The following MEF2D variants were observed in gnomAD, a reference collection of about 807,000 sequenced individuals.
MEF2D encodes myocyte enhancer factor 2D.
Under a neutral mutation model 59.3 loss-of-function variants are expected in MEF2D, and 10 were observed. The ratio of observed to expected loss-of-function variants is 0.17; its 90% CI spans 0.10 to 0.29. The LOEUF is 0.29. Ranked by LOEUF, MEF2D falls within the 10% of genes least tolerant of loss-of-function variation. MEF2D has a pLI of 1.00. For missense variants in MEF2D, 508 were observed against 699.4 expected (o/e 0.73, Z 3.09); for synonymous variants, 305 against 295.0 (o/e 1.03, Z -0.35).
chr1:156,474,604 A>G (rs1671444868), intron 9 of MEF2D, among the ~76,000 whole-genome samples: 1 of 152,154 alleles, frequency 6.6e-6, no homozygotes, highest in Non-Finnish European at 1.5e-5. Flanking sequence ...TGAGACCAGG[A>G]ATTTGAGACT....
In MEF2D at chr1:156,465,803, C is replaced by T. The variant is rs1489955996; in HGVS notation, c.*1842G>A. On this transcript the variant is annotated 3_prime_UTR_variant, in exon 12 of 12. Coordinates refer to ENST00000348159, the MANE Select transcript of MEF2D (RefSeq NM_005920.4). ...GAGGCCCCTCTGCTTCTGGTTCCTTCCCTGCATCAAGTATGGGAATACTGC... is the reference window on the plus strand; with the variant it reads ...GAGGCCCCTCTGCTTCTGGTTCCTTTCCTGCATCAAGTATGGGAATACTGC... 6.6e-6 allele frequency: 1 copy of T among 152,226 alleles called. No homozygotes were observed. Among genetic ancestry groups the T allele is most frequent in the Non-Finnish European group, 1.5e-5 (1 of 68,066 alleles). The allele number at this position is 152,226 out of a possible 1,614,324, so 9.4% of individuals were successfully genotyped here. A position where few individuals can be genotyped will look rare whatever the true frequency, so the allele number is the denominator to read the frequency against.
At position 156,479,641 on chromosome 1, in the gene MEF2D, T is replaced by C. The variant is rs1376703791; in HGVS notation, c.552A>G (p.Pro184=). Residue 184 remains proline (P), a synonymous_variant, in exon 5 of 12, where the codon CCA becomes CCG. Transcript: ENST00000348159. ...GAGACACACTGTTCCTCTGTAGTGC[T>C]GGCTGCTGGGGGGACAGGAGCCGCG... ...TDPRLLSPQQ[P]ALQRNSVSPG... The C allele has an allele frequency of 2.6e-6, 4 of 1,553,018 alleles. No homozygotes were observed. The highest frequency in any genetic ancestry group is 1.4e-5 in the African/African-American group (1 of 73,242).
intron 6 of MEF2D, 56 bp downstream of exon 6, chr1:156,479,234 A>C: frequency 8.1e-6 from 12 of 1,480,898 alleles, no homozygotes; most frequent in Non-Finnish European, 1.0e-5. Flanking sequence ...GGACCCCCTG[A>C]GGCCACTGAG....
chr1:156,481,337 C>T (rs1557886946), intron 3 of MEF2D, among the ~76,000 whole-genome samples: 1 of 152,178 alleles, frequency 6.6e-6, no homozygotes, highest in African/African-American at 2.4e-5. Flanking sequence ...CCTGCCCGAC[C>T]ACCCTGTGGT....
At position 156,468,600 on chromosome 1, in the gene MEF2D, C is replaced by T. The variant is rs535541382; in HGVS notation, c.1247+180G>A. ...GCTCTCAGAAGGGGTTCAGGGTGAGCCTCTTGGGTCTGTACAAGAGAGCCC... is the reference window on the plus strand; with the variant it reads ...GCTCTCAGAAGGGGTTCAGGGTGAGTCTCTTGGGTCTGTACAAGAGAGCCC... On this transcript the variant is annotated intron_variant, in intron 10 of 11. Coordinates refer to ENST00000348159, the MANE Select transcript of MEF2D (RefSeq NM_005920.4). This position sits in a 1 kb window ranked among gnomAD's most constrained non-coding sequence, Gnocchi z 4.3. Among the ~76,000 whole-genome samples, 208 of 152,256 alleles carry T rather than the reference C, an allele frequency of 1.4e-3. 5 individuals are homozygous for T. The highest frequency in any genetic ancestry group is 3.4e-4 in the Non-Finnish European group (23 of 68,008).
chr1:156,485,512 TCTC>T (rs1672294867), intron 1 of MEF2D, among the ~76,000 whole-genome samples: 1 of 128,762 alleles, frequency 7.8e-6, no homozygotes, highest in African/African-American at 3.0e-5. Context: ...TCCCTACCCT[TCTC>T]CTTCTTCTTT....
rs1670892036 is a variant in MEF2D, at chr1:156,467,048, G to A, written c.*597C>T. ...CGCAGGTGTGGCACGTGTGTGTGCA[G>A]GGGCATTTGGGGGCCAGGCTTAAGT... On this transcript the variant is annotated 3_prime_UTR_variant, in exon 12 of 12. Coordinates refer to ENST00000348159, the MANE Select transcript of MEF2D (RefSeq NM_005920.4). 1 of 152,664 alleles carries A rather than the reference G, an allele frequency of 6.6e-6. No homozygotes were observed. The highest frequency in any genetic ancestry group is 2.4e-5 in the African/African-American group (1 of 41,446). 9.5% of individuals were successfully genotyped at this position (152,664 alleles called of 1,614,324 possible).
rs370852726 is a variant in MEF2D, at chr1:156,483,219, C to G, written c.54+20G>C. 2 of 1,613,810 alleles carry G rather than the reference C, an allele frequency of 1.2e-6. No individual in the cohort carries two copies. Among genetic ancestry groups the G allele is most frequent in the Non-Finnish European group, 1.7e-6 (2 of 1,179,734 alleles). Reference sequence around the variant, plus strand: ...GCTCCCTGCCCTCACCCACTTCGTACGGCTCTAGGACTTCCCTACCTGTCG... The same window carrying G: ...GCTCCCTGCCCTCACCCACTTCGTAGGGCTCTAGGACTTCCCTACCTGTCG... On this transcript the variant is annotated intron_variant, in intron 2 of 11. Coordinates refer to ENST00000348159, the MANE Select transcript of MEF2D (RefSeq NM_005920.4).
chr1:156,475,312 A>G, intron 8 of MEF2D, 75 bp from the exon 9 acceptor site: 2 of 1,482,256 alleles, frequency 1.3e-6, no homozygotes, highest in African/African-American at 1.4e-5. Context: ...TCCCAAGGCC[A>G]AGGTGGGGTT....
Position 156,477,063 on chromosome 1 carries a change from G to T in MEF2D, c.804C>A (p.Pro268=), listed in dbSNP as rs768730968. ...STQLGAPSRK[P]DLRVITSQAG... ...CCTGGGAAGTGATGACTCGCAGGTC[G>T]GGCTTGCGGCTGGGGGCTCCAAGCT... Residue 268 remains proline, a synonymous_variant, in exon 7 of 12, where the codon CCC becomes CCA. Coordinates refer to ENST00000348159, the MANE Select transcript of MEF2D (RefSeq NM_005920.4). 1 of 1,613,756 alleles carries T rather than the reference G, an allele frequency of 6.2e-7. No homozygotes were observed. The highest frequency in any genetic ancestry group is 8.5e-7 in the Non-Finnish European group (1 of 1,179,874).
chr1:156,467,916 A>G, intron 11 of MEF2D, 77 bp downstream of exon 11: 1 of 1,510,688 alleles, frequency 6.6e-7, no homozygotes, highest in Non-Finnish European at 8.9e-7. Flanking sequence ...GTGGGAAATA[A>G]AACAGGTTAG....
chr1:156,482,933 G>A (rs779314685), intron 2 of MEF2D, among the ~76,000 whole-genome samples: 1 of 152,220 alleles, frequency 6.6e-6, no homozygotes, highest in Non-Finnish European at 1.5e-5. Context: ...GAGAAGAAGA[G>A]GGAGAGGATT....
At chr1:156,497,323 C>T (rs994810115) in intron 1 of MEF2D, among the ~76,000 whole-genome samples, 1 of 152,250 alleles carries the variant, frequency 6.6e-6, no homozygotes, top group Non-Finnish European at 1.5e-5. Context: ...GAGGTTGTGC[C>T]GGCCTGCCAC....
At position 156,483,349 on chromosome 1, in the gene MEF2D, C is replaced by T. The variant is rs910178119; in HGVS notation, c.-57G>A. 1.5e-5 allele frequency: 22 copies of T among 1,500,522 alleles called. No homozygotes were observed. Among genetic ancestry groups the T allele is most frequent in the South Asian group, 2.3e-5 (2 of 88,794 alleles). 93.0% of individuals were successfully genotyped at this position (1,500,522 alleles called of 1,614,324 possible). A position where few individuals can be genotyped will look rare whatever the true frequency, so the allele number is the denominator to read the frequency against. ...GAGGGGCTCGCTGGGTGGTGGGTCT[C>T]GGCACACCTTACACTGTGCTCATGA... On this transcript the variant is annotated 5_prime_UTR_variant, in exon 2 of 12. Coordinates refer to ENST00000348159, the MANE Select transcript of MEF2D (RefSeq NM_005920.4).
At position 156,498,593 on chromosome 1, in the gene MEF2D, C is replaced by T. The variant is rs1571282106; in HGVS notation, c.-139+1893G>A. Among the ~76,000 whole-genome samples the T allele has an allele frequency of 2.0e-5, 3 of 152,156 alleles. No homozygotes were observed. In the South Asian group the frequency reaches 6.2e-4, roughly 32 times the overall value. On this transcript the variant is annotated intron_variant, in intron 1 of 11. Coordinates refer to ENST00000348159, the MANE Select transcript of MEF2D (RefSeq NM_005920.4). ...GGTGAGTAAAAGCTCCTCCCTTCCT[C>T]CCTTCCCCCCTCCCCCCCTTCCCCC...
At chr1:156,470,265 C>T (rs559883510) in intron 9 of MEF2D, among the ~76,000 whole-genome samples, 4 of 151,976 alleles carry the variant, frequency 2.6e-5, no homozygotes, top group South Asian at 2.1e-4. Flanking sequence ...ATTAAAAATA[C>T]AAAAAATTAG....
chr1:156,498,580 CTCCTCCCT>C (rs1673283377), intron 1 of MEF2D, among the ~76,000 whole-genome samples: 1 of 151,990 alleles, frequency 6.6e-6, no homozygotes, highest in Non-Finnish European at 1.5e-5. Flanking sequence ...TGAGTAAAAG[CTCCTCCCT>C]TCCTCCCTTC....
Position 156,463,932 on chromosome 1 carries a change from G to T in MEF2D, c.*3713C>A, listed in dbSNP as rs1670674675. 1 of 152,666 alleles carries T rather than the reference G, an allele frequency of 6.6e-6. No homozygotes were observed. Among genetic ancestry groups the T allele is most frequent in the South Asian group, 2.1e-4 (1 of 4,834 alleles). The allele number at this position is 152,666 out of a possible 1,614,324, so 9.5% of individuals were successfully genotyped here. A position where few individuals can be genotyped will look rare whatever the true frequency, so the allele number is the denominator to read the frequency against. Reference sequence around the variant, plus strand: ...TCACACTTGGACTCGCCCTGCCCCAGGACCCAGGAAGAGCCCCAGGAGTGT... The same window carrying T: ...TCACACTTGGACTCGCCCTGCCCCATGACCCAGGAAGAGCCCCAGGAGTGT... On this transcript the variant is annotated 3_prime_UTR_variant, in exon 12 of 12. Transcript: ENST00000348159.
chr1:156,481,659 A>C (rs868805544), intron 3 of MEF2D, among the ~76,000 whole-genome samples: 1 of 152,232 alleles, frequency 6.6e-6, no homozygotes, highest in Non-Finnish European at 1.5e-5. Flanking sequence ...TTTACCTTCT[A>C]GTCTAGAGTA....
Sources: gnomAD v4.1 joint callset for allele counts (sites outside exome capture counted in the v4.1 genomes callset) on GRCh38, gnomAD v4.1.1 for gene constraint, Gnocchi (gnomAD v3.1) non-coding constraint, MANE v1.5 for transcripts, NCBI Gene and HGNC (gene_info 2026-07-23, HGNC 2026-07-21) for gene names.